Variants in AHCYL1 observed in about 807,000 individuals in gnomAD.
AHCYL1 encodes S-adenosylhomocysteine hydrolase-like protein 1.
A neutral mutation model predicts 79.3 loss-of-function variants in AHCYL1; 20 were observed. That is an observed-to-expected ratio of 0.25 (90% CI 0.18 to 0.37). The LOEUF (loss-of-function observed/expected upper bound fraction) is 0.37, where lower values mean the gene tolerates loss of function less well. Among genes scored for constraint, AHCYL1 ranks in the 10% least tolerant of loss-of-function variants. The pLI, the probability that AHCYL1 is intolerant of heterozygous loss-of-function variation, is 1.00. For synonymous variants in AHCYL1, 223 were observed against 242.2 expected (o/e 0.92, Z 0.74); for missense variants, 330 against 673.6 (o/e 0.49, Z 5.65).
At chr1:109,985,947 T>C (rs1252949610) in intron 1 of AHCYL1, among the ~76,000 whole-genome samples, 1 of 152,188 alleles carries the variant, frequency 6.6e-6, no homozygotes, top group Non-Finnish European at 1.5e-5. Context: ...TGCTGTAGGT[T>C]GACTCAAAGG....
chr1:110,006,358 G>A (rs746367046), intron 1 of AHCYL1, among the ~76,000 whole-genome samples: 2 of 152,122 alleles, frequency 1.3e-5, no homozygotes, highest in African/African-American at 2.4e-5. Flanking sequence ...ATTCCTTGTA[G>A]ATGTAGATTT....
At chr1:109,995,770 C>G in intron 1 of AHCYL1, 1 of 847,386 alleles carries the variant, frequency 1.2e-6, no homozygotes, top group Non-Finnish European at 1.4e-6. Context: ...GCTGTGTAAT[C>G]AGAATGGGGG....
At chr1:110,001,258 C>G (rs1381878962) in intron 1 of AHCYL1, among the ~76,000 whole-genome samples, 1 of 151,870 alleles carries the variant, frequency 6.6e-6, no homozygotes, top group African/African-American at 2.4e-5. Context: ...ATGATCTCAG[C>G]TCACTGCAAC....
intron 1 of AHCYL1, among the ~76,000 whole-genome samples, chr1:109,988,387 A>G (rs555817080): frequency 6.6e-6 from 1 of 152,360 alleles, no homozygotes; most frequent in Non-Finnish European, 1.5e-5. Flanking sequence ...TAAGTGTACC[A>G]CAACTGAAGA....
At position 110,019,578 on chromosome 1, in the gene AHCYL1, C is replaced by T. The variant is rs985269786; in HGVS notation, c.1417C>T (p.Pro473Ser). 2 of 1,613,054 alleles carry T rather than the reference C, an allele frequency of 1.2e-6. No homozygotes were observed. Among genetic ancestry groups the T allele is most frequent in the Non-Finnish European group, 1.7e-6 (2 of 1,179,794 alleles). ...ALALIELYNA[P>S]EGRYKQDVYL... ...GGCACTGATAGAACTCTATAATGCA[C>T]CCGAGGGGCGATACAAGCAGGATGT... Residue 473 changes from proline (P) to serine (S), a missense_variant, in exon 15 of 17, where the codon CCC (proline) becomes TCC (serine). Transcript: ENST00000369799.
At chr1:109,988,473 A>T (rs1174731958) in intron 1 of AHCYL1, among the ~76,000 whole-genome samples, 2 of 152,206 alleles carry the variant, frequency 1.3e-5, no homozygotes, top group East Asian at 1.9e-4. Context: ...CTGGTTATTT[A>T]TCCCTCTTTT....
In AHCYL1 at chr1:110,011,130, T is replaced by G. The variant is rs1381617120; in HGVS notation, c.233-84T>G. On this transcript the variant is annotated intron_variant, in intron 2 of 16. Transcript: ENST00000369799. ...ATTAAGGGTGTTCCCTTAACTTAAA[T>G]GAAAGTCCCTTGGGGACTGCACTCT... is the stretch of plus-strand genomic sequence containing the variant. 3.4e-5 allele frequency: 52 copies of G among 1,520,704 alleles called. No homozygotes were observed. The Admixed American group carries it at 1.1e-3, about 32-fold the overall frequency. The allele number at this position is 1,520,704 out of a possible 1,614,324, so 94.2% of individuals were successfully genotyped here.
At chr1:109,994,441 T>A (rs1649921461) in intron 1 of AHCYL1, among the ~76,000 whole-genome samples, 1 of 151,232 alleles carries the variant, frequency 6.6e-6, no homozygotes, top group Admixed American at 6.6e-5. Context: ...TTTTTTTTGG[T>A]GTTTTTTTTG....
At chr1:110,020,107 C>T (rs1483503439) in intron 15 of AHCYL1, among the ~76,000 whole-genome samples, 1 of 152,222 alleles carries the variant, frequency 6.6e-6, no homozygotes, top group Non-Finnish European at 1.5e-5. Context: ...GTACCCATCT[C>T]CCATATCTCC....
intron 6 of AHCYL1, 118 bp downstream of exon 6, chr1:110,014,975 A>G (rs1651312604): frequency 2.1e-6 from 2 of 954,082 alleles, no homozygotes; most frequent in African/African-American, 3.2e-5. Flanking sequence ...CTTTGTTGCT[A>G]AAGTGTTTAG....
intron 1 of AHCYL1, among the ~76,000 whole-genome samples, chr1:109,992,472 C>T (rs890501797): frequency 4.0e-5 from 6 of 151,628 alleles, no homozygotes; most frequent in African/African-American, 1.5e-4. Flanking sequence ...TTGACCAGAC[C>T]CACCCCTTCT....
chr1:110,017,054 A>G (rs941239761), intron 9 of AHCYL1, among the ~76,000 whole-genome samples: 1 of 152,234 alleles, frequency 6.6e-6, no homozygotes, highest in African/African-American at 2.4e-5. Context: ...CAGTAGAATT[A>G]AGGGTGGAAT....
At chr1:109,990,546 CAA>C (rs918056731) in intron 1 of AHCYL1, among the ~76,000 whole-genome samples, 3 of 152,242 alleles carry the variant, frequency 2.0e-5, no homozygotes, top group African/African-American at 7.2e-5. Flanking sequence ...AGAGCCAAAA[CAA>C]AGAAGTTTCT....
intron 13 of AHCYL1, 89 bp downstream of exon 13, chr1:110,018,739 T>C: frequency 9.1e-7 from 1 of 1,100,248 alleles, no homozygotes; most frequent in South Asian, 1.4e-5. Flanking sequence ...ATATTAGGCC[T>C]ATGTTTCCCT....
At chr1:110,009,013 T>C in intron 1 of AHCYL1, 21 bp from the exon 2 acceptor site, 5 of 1,588,620 alleles carry the variant, frequency 3.1e-6, no homozygotes, top group Non-Finnish European at 3.4e-6. Context: ...GTTTTCAACT[T>C]TTTGTCTTCC....
intron 1 of AHCYL1, among the ~76,000 whole-genome samples, chr1:109,995,953 C>T (rs1229571532): frequency 6.6e-6 from 1 of 152,194 alleles, no homozygotes; most frequent in Admixed American, 6.5e-5. Flanking sequence ...GGCACGGTGG[C>T]TCACGCCTGT....
At chr1:110,007,616 TC>T (rs549474786) in intron 1 of AHCYL1, among the ~76,000 whole-genome samples, 217 of 152,374 alleles carry the variant, frequency 1.4e-3, no homozygotes, top group African/African-American at 5.2e-3. Flanking sequence ...AGTTTACTGT[TC>T]CTGGCTTTAA....
intron 12 of AHCYL1, 28 bp from the exon 13 acceptor site, chr1:110,018,524 A>G (rs747610632): frequency 1.1e-5 from 18 of 1,613,862 alleles, no homozygotes; most frequent in East Asian, 8.9e-5. Flanking sequence ...ATTAATAACC[A>G]TAGTCAACTG....
intron 11 of AHCYL1, 87 bp from the exon 12 acceptor site, chr1:110,018,286 C>T (rs1570892374): frequency 1.6e-6 from 2 of 1,272,150 alleles, no homozygotes; most frequent in Non-Finnish European, 2.3e-6. Context: ...GCCAGCAAGC[C>T]TCTGGTCTCC....
Sources: gnomAD v4.1 joint callset for allele counts (sites outside exome capture counted in the v4.1 genomes callset) on GRCh38, gnomAD v4.1.1 for gene constraint, MANE v1.5 for transcripts, NCBI Gene and HGNC (gene_info 2026-07-23, HGNC 2026-07-21) for gene names.